Variants in KATNBL1 observed in about 807,000 individuals in gnomAD.
KATNBL1 encodes katanin regulatory subunit B1 like 1.
In KATNBL1, 28 loss-of-function variants were observed where a neutral mutation model predicts 44.7. The observed-to-expected ratio is 0.63, with a 90% CI of 0.46 to 0.86. KATNBL1 has a LOEUF of 0.86. KATNBL1 is among the 40% of genes least tolerant of loss of function. The pLI, the probability that KATNBL1 is intolerant of heterozygous loss-of-function variation, is 0.00. For synonymous variants in KATNBL1, 78 were observed against 114.9 expected (o/e 0.68, Z 2.06); for missense variants, 272 against 350.7 (o/e 0.78, Z 1.79).
chr15:34,163,685 A>C lies in KATNBL1; in HGVS notation c.-9T>G. The C allele has an allele frequency of 6.6e-7, 1 of 1,505,842 alleles. No homozygotes were observed. Among genetic ancestry groups the C allele is most frequent in the Non-Finnish European group, 9.0e-7 (1 of 1,107,704 alleles). 93.3% of individuals were successfully genotyped at this position (1,505,842 alleles called of 1,614,324 possible). On this transcript the variant is annotated 5_prime_UTR_variant, in exon 2 of 10. The change creates a premature stop within an existing upstream ORF in the 5' untranslated region. Transcript: ENST00000256544. ...TGGGTTTCTGATGCCATAATCTCTT[A>C]AGTACCTAGACAATAAAATAAAATA...
intron 1 of KATNBL1, among the ~76,000 whole-genome samples, chr15:34,191,149 T>C (rs1280002550): frequency 1.1e-5 from 1 of 88,952 alleles, no homozygotes; most frequent in African/African-American, 4.1e-5. Flanking sequence ...ATATAAATCA[T>C]AGACCATATA....
intron 1 of KATNBL1, among the ~76,000 whole-genome samples, chr15:34,202,090 A>G (rs949656934): frequency 2.6e-5 from 4 of 152,234 alleles, no homozygotes; most frequent in Non-Finnish European, 5.9e-5. Context: ...TCGCCCATAG[A>G]TAATGAGGGA....
At chr15:34,145,925 G>A (rs963580182) in intron 8 of KATNBL1, 1 of 148,334 alleles carries the variant, frequency 6.7e-6, no homozygotes, top group Non-Finnish European at 1.5e-5. Flanking sequence ...AAAATTTTGA[G>A]AGCCTACAAA....
At chr15:34,189,510 A>G (rs913732493) in intron 1 of KATNBL1, among the ~76,000 whole-genome samples, 1 of 152,228 alleles carries the variant, frequency 6.6e-6, no homozygotes, top group Non-Finnish European at 1.5e-5. Flanking sequence ...AGAACTTGCA[A>G]TTTTGCTTTC....
intron 1 of KATNBL1, among the ~76,000 whole-genome samples, chr15:34,175,256 AT>A (rs1889295273): frequency 6.6e-6 from 1 of 151,952 alleles, no homozygotes; most frequent in Admixed American, 6.6e-5. Context: ...ATTTTTTCAG[AT>A]TTTGAAATAT....
intron 1 of KATNBL1, chr15:34,198,273 A>G (rs919493547): frequency 1.3e-5 from 2 of 152,226 alleles, no homozygotes; most frequent in African/African-American, 4.8e-5. Flanking sequence ...ACTCCTGTTC[A>G]GATCCTTAAA....
chr15:34,199,257 C>A (rs985697049), intron 1 of KATNBL1, among the ~76,000 whole-genome samples: 5 of 152,098 alleles, frequency 3.3e-5, no homozygotes, highest in African/African-American at 4.8e-5. Context: ...GCCAACATGG[C>A]AAAACCCCGT....
intron 1 of KATNBL1, 92 bp from the exon 2 acceptor site, chr15:34,163,782 T>C (rs1194421292): frequency 1.5e-6 from 1 of 658,324 alleles, no homozygotes; most frequent in African/African-American, 1.9e-5. Context: ...AGCACAATGC[T>C]ATATAAAAAA....
rs933616039 is a variant in KATNBL1 at position 34,145,295 on chromosome 15, C to T, written c.882+103G>A. Reference sequence around the variant, plus strand: ...ATGAAATTGACTTTAGACATTAGAACAGTACCATATTATTTTGCCTAGAGA... The same window carrying T: ...ATGAAATTGACTTTAGACATTAGAATAGTACCATATTATTTTGCCTAGAGA... On this transcript the variant is annotated intron_variant, in intron 9 of 9. Transcript: ENST00000256544. 4 of 1,387,188 alleles carry T rather than the reference C, an allele frequency of 2.9e-6. No individual in the cohort carries two copies. In the Admixed American group the frequency reaches 6.5e-5, roughly 23 times the overall value. The allele number at this position is 1,387,188 out of a possible 1,614,324, so 85.9% of individuals were successfully genotyped here.
chr15:34,171,324 C>A (rs1177259342), intron 1 of KATNBL1, among the ~76,000 whole-genome samples: 1 of 152,110 alleles, frequency 6.6e-6, no homozygotes, highest in Non-Finnish European at 1.5e-5. Context: ...AGCCAACAGA[C>A]ATATGAAAAA....
intron 3 of KATNBL1, among the ~76,000 whole-genome samples, chr15:34,153,524 GT>G (rs1194483573): frequency 6.6e-6 from 1 of 152,016 alleles, no homozygotes; most frequent in African/African-American, 2.4e-5. Flanking sequence ...GTTCTCAAAC[GT>G]TTTAGTGTCA....
chr15:34,179,562 G>A (rs186174862), intron 1 of KATNBL1, among the ~76,000 whole-genome samples: 58 of 152,028 alleles, frequency 3.8e-4, no homozygotes, highest in Non-Finnish European at 5.0e-4. Context: ...TCAAACTCCC[G>A]GACTCAAGAG....
chr15:34,147,383 T>C lies in KATNBL1; in HGVS notation c.605A>G (p.Asn202Ser), dbSNP rs1445214452. Residue 202 changes from asparagine to serine, a missense_variant, in exon 6 of 10, where the codon AAT (asparagine) becomes AGT (serine). Physicochemically the swap from Asn to Ser is conservative, Grantham distance 46 (BLOSUM62 1). Transcript: ENST00000256544. ...VVVDCLPVLT[N>S]CLQEEKQYIS... ...TTCTGAAAAATATTGTTTTTACCAA[T>C]TGGTGAGCACAGGAAGGCAATCTAC... 1.2e-6 allele frequency: 2 copies of C among 1,612,832 alleles called. No homozygotes were observed. The highest frequency in any genetic ancestry group is 1.7e-5 in the Admixed American group (1 of 59,988).
intron 1 of KATNBL1, among the ~76,000 whole-genome samples, chr15:34,204,988 A>C (rs1595370323): frequency 6.8e-6 from 1 of 147,556 alleles, no homozygotes; most frequent in Non-Finnish European, 1.5e-5. Context: ...AAAGAGGGAC[A>C]GTTTTTTTTT....
chr15:34,205,604 G>A lies in KATNBL1; in HGVS notation c.-15+4347C>T, dbSNP rs140335434. Among the ~76,000 whole-genome samples, 808 of 152,226 alleles carry A rather than the reference G, an allele frequency of 5.3e-3. 9 individuals are homozygous for A. Among genetic ancestry groups the A allele is most frequent in the African/African-American group, 0.018 (762 of 41,536 alleles). On this transcript the variant is annotated intron_variant, in intron 1 of 9. Transcript: ENST00000256544. ...GAACAATAGACACTTTGCTACTGCT[G>A]GGAGGTATTTTTACATTGTAGGAAT...
At chr15:34,180,152 C>G (rs1386465598) in intron 1 of KATNBL1, among the ~76,000 whole-genome samples, 3 of 152,102 alleles carry the variant, frequency 2.0e-5, no homozygotes, top group South Asian at 2.1e-4. Context: ...TTTCCGTGAT[C>G]AACTCCTATA....
intron 1 of KATNBL1, among the ~76,000 whole-genome samples, chr15:34,183,167 C>T (rs1052134384): frequency 6.6e-6 from 1 of 152,144 alleles, no homozygotes; most frequent in Non-Finnish European, 1.5e-5. Flanking sequence ...TTTTGACTGG[C>T]GACTACCAAG....
At chr15:34,155,172 G>A (rs1888602315) in intron 2 of KATNBL1, among the ~76,000 whole-genome samples, 1 of 152,194 alleles carries the variant, frequency 6.6e-6, no homozygotes, top group Non-Finnish European at 1.5e-5. Flanking sequence ...GTATAAGAAA[G>A]CTGAACATAC....
intron 2 of KATNBL1, among the ~76,000 whole-genome samples, chr15:34,155,610 G>A (rs1182919616): frequency 3.9e-5 from 6 of 152,104 alleles, no homozygotes; most frequent in East Asian, 3.9e-4. Flanking sequence ...CATCAGGGGC[G>A]GTATTGTTTG....
Sources: gnomAD v4.1 joint callset for allele counts (sites outside exome capture counted in the v4.1 genomes callset) on GRCh38, gnomAD v4.1.1 for gene constraint, MANE v1.5 for transcripts, NCBI Gene and HGNC (gene_info 2026-07-23, HGNC 2026-07-21) for gene names.